The following PTPRG variants were observed in gnomAD, a reference collection of about 807,000 sequenced individuals.
PTPRG encodes the protein protein tyrosine phosphatase receptor type G, also known as receptor-type tyrosine-protein phosphatase gamma.
PTPRG carries 102 observed loss-of-function variants against 165.3 expected under a neutral mutation model. The ratio of observed to expected loss-of-function variants is 0.62; its 90% CI spans 0.53 to 0.73. PTPRG has a LOEUF of 0.73. Among genes scored for constraint, PTPRG ranks in the 30% least tolerant of loss-of-function variants. The probability of loss-of-function intolerance (pLI) is 0.00; values close to 1 mark genes in which losing one functional copy is unlikely to be tolerated. For synonymous variants in PTPRG, 675 were observed against 669.5 expected (o/e 1.01, Z -0.13); for missense variants, 1,866 against 1,861.4 (o/e 1.00, Z -0.05).
chr3:61,674,183 TAA>T (rs11335275), intron 1 of PTPRG, among the ~76,000 whole-genome samples: 7,839 of 144,116 alleles, frequency 0.054, 445 homozygotes, highest in African/African-American at 0.14. Flanking sequence ...ATAATAATAA[TAA>T]AAAAAAAAAA....
chr3:61,630,050 CT>C (rs572956909), intron 1 of PTPRG, among the ~76,000 whole-genome samples: 42 of 152,342 alleles, frequency 2.8e-4, no homozygotes, highest in Admixed American at 1.0e-3. Flanking sequence ...CCCAAAGACC[CT>C]GGCCATGGCC....
intron 1 of PTPRG, among the ~76,000 whole-genome samples, chr3:61,565,042 T>C (rs932539112): frequency 6.6e-6 from 1 of 152,214 alleles, no homozygotes; most frequent in Non-Finnish European, 1.5e-5. Flanking sequence ...CCAAAATCCC[T>C]TTTTATTTAG....
At chr3:62,071,847 C>T (rs564026790) in intron 4 of PTPRG, among the ~76,000 whole-genome samples, 1 of 152,226 alleles carries the variant, frequency 6.6e-6, no homozygotes, top group Non-Finnish European at 1.5e-5. Flanking sequence ...GAGAATCGTA[C>T]GGATACCTAT....
At chr3:61,782,572 A>G (rs2034576928) in intron 2 of PTPRG, among the ~76,000 whole-genome samples, 1 of 152,254 alleles carries the variant, frequency 6.6e-6, no homozygotes, top group Non-Finnish European at 1.5e-5. Flanking sequence ...CAAAAGTGCT[A>G]GGTGAGCCAG....
intron 1 of PTPRG, among the ~76,000 whole-genome samples, chr3:61,647,145 C>T (rs1229758788): frequency 9.2e-5 from 14 of 152,098 alleles, no homozygotes; most frequent in Admixed American, 3.9e-4. Flanking sequence ...ATTGCTGGGT[C>T]GTATAGTAAG....
intron 5 of PTPRG, among the ~76,000 whole-genome samples, chr3:62,102,667 T>C (rs569237908): frequency 2.6e-5 from 4 of 152,316 alleles, no homozygotes; most frequent in South Asian, 2.1e-4. Flanking sequence ...TGTTTTTTTT[T>C]CTCCTCTGCA....
At chr3:61,773,579 T>C (rs935772606) in intron 2 of PTPRG, among the ~76,000 whole-genome samples, 2 of 152,144 alleles carry the variant, frequency 1.3e-5, no homozygotes, top group African/African-American at 4.8e-5. Flanking sequence ...TAATGTCTTT[T>C]AATTCCTCCT....
chr3:61,958,100 A>C (rs1304548007), intron 2 of PTPRG, among the ~76,000 whole-genome samples: 2 of 151,970 alleles, frequency 1.3e-5, no homozygotes, highest in African/African-American at 4.8e-5. Context: ...CTAGTTACAA[A>C]TATTCAAGGA....
chr3:61,775,701 G>C (rs1451388594), intron 2 of PTPRG, among the ~76,000 whole-genome samples: 2 of 152,008 alleles, frequency 1.3e-5, no homozygotes, highest in East Asian at 1.9e-4. Context: ...TGATAGACTG[G>C]ATTAAGAAAA....
intron 1 of PTPRG, among the ~76,000 whole-genome samples, chr3:61,614,917 C>G (rs1477157367): frequency 6.6e-6 from 1 of 152,214 alleles, no homozygotes; most frequent in African/African-American, 2.4e-5. Context: ...CATCTCAGCT[C>G]TAGTGTCTTC....
chr3:61,772,670 A>T (rs2034244973), intron 2 of PTPRG, among the ~76,000 whole-genome samples: 1 of 152,204 alleles, frequency 6.6e-6, no homozygotes, highest in South Asian at 2.1e-4. Flanking sequence ...CCATGTTTTT[A>T]AAAATAACTG....
chr3:61,569,721 T>G (rs899918661), intron 1 of PTPRG, among the ~76,000 whole-genome samples: 1 of 152,204 alleles, frequency 6.6e-6, no homozygotes, highest in Non-Finnish European at 1.5e-5. Context: ...TTTGAAAAAT[T>G]GTATAAACAT....
intron 1 of PTPRG, among the ~76,000 whole-genome samples, chr3:61,577,338 C>T (rs552911299): frequency 6.6e-6 from 1 of 152,230 alleles, no homozygotes; most frequent in East Asian, 1.9e-4. Context: ...CCTCAAGATT[C>T]CTTTTGATGT....
At chr3:62,285,699 A>C (rs764846975) in intron 28 of PTPRG, among the ~76,000 whole-genome samples, 11 of 152,140 alleles carry the variant, frequency 7.2e-5, no homozygotes, top group Non-Finnish European at 1.0e-4. Context: ...TATTCTGCTC[A>C]GAGGCTGATC....
intron 11 of PTPRG, among the ~76,000 whole-genome samples, chr3:62,202,527 C>T (rs939349092): frequency 6.6e-6 from 1 of 152,198 alleles, no homozygotes; most frequent in African/African-American, 2.4e-5. Flanking sequence ...CACGGATCAA[C>T]TTAGAAACTG....
At chr3:61,696,883 C>A (rs2030632787) in intron 1 of PTPRG, among the ~76,000 whole-genome samples, 1 of 152,190 alleles carries the variant, frequency 6.6e-6, no homozygotes, top group African/African-American at 2.4e-5. Flanking sequence ...CCACTGATAA[C>A]GGTCTTGTGA....
intron 2 of PTPRG, among the ~76,000 whole-genome samples, chr3:61,971,093 C>T (rs1344822122): frequency 3.3e-5 from 5 of 152,180 alleles, no homozygotes; most frequent in Non-Finnish European, 5.9e-5. Context: ...GTCGCTGTCA[C>T]CCAGGCTGGA....
At chr3:61,980,338 T>G (rs2040611385) in intron 2 of PTPRG, among the ~76,000 whole-genome samples, 1 of 152,212 alleles carries the variant, frequency 6.6e-6, no homozygotes, top group South Asian at 2.1e-4. Context: ...CGTTAAGTGC[T>G]TCATGGATTT....
intron 1 of PTPRG, among the ~76,000 whole-genome samples, chr3:61,565,422 C>A (rs1699886606): frequency 6.6e-6 from 1 of 152,146 alleles, no homozygotes; most frequent in Non-Finnish European, 1.5e-5. Context: ...TCAACACTCA[C>A]AACTCAATCT....
Sources: gnomAD v4.1 joint callset for allele counts (sites outside exome capture counted in the v4.1 genomes callset) on GRCh38, gnomAD v4.1.1 for gene constraint, MANE v1.5 for transcripts, NCBI Gene and HGNC (gene_info 2026-07-23, HGNC 2026-07-21) for gene names.